The following NRXN1 variants were observed in gnomAD, a reference collection of about 807,000 sequenced individuals.
The protein encoded by NRXN1 is neurexin-1.
A neutral mutation model predicts 150.9 loss-of-function variants in NRXN1; 39 were observed. That is an observed-to-expected ratio of 0.26 (90% confidence interval 0.20 to 0.34). The LOEUF (loss-of-function observed/expected upper bound fraction) is 0.34, where lower values mean the gene tolerates loss of function less well. NRXN1 is among the 10% of genes least tolerant of loss of function. NRXN1 has a pLI of 1.00. For missense variants in NRXN1, 1,815 were observed against 1,949.9 expected, an observed-to-expected ratio of 0.93 and a Z score of 1.30; for synonymous variants, 924 against 757.0, an observed-to-expected ratio of 1.22 and a Z score of -3.62.
intron 18 of NRXN1, among the ~76,000 whole-genome samples, chr2:50,141,120 A>C (rs1707215755): frequency 6.6e-6 from 1 of 152,010 alleles, no homozygotes; most frequent in Non-Finnish European, 1.5e-5. Context: ...TAAGACGTAC[A>C]CTCTATGACA....
chr2:50,692,292 G>T (rs948774167), intron 5 of NRXN1, among the ~76,000 whole-genome samples: 2 of 152,086 alleles, frequency 1.3e-5, no homozygotes, highest in Admixed American at 6.6e-5. Context: ...CCTGTTTTGA[G>T]CATCATTCCT....
intron 8 of NRXN1, among the ~76,000 whole-genome samples, chr2:50,571,286 C>A (rs1670624489): frequency 6.6e-6 from 1 of 152,142 alleles, no homozygotes; most frequent in Non-Finnish European, 1.5e-5. Context: ...TCATTCAGAA[C>A]AACAGGTTTG....
intron 17 of NRXN1, among the ~76,000 whole-genome samples, chr2:50,425,580 T>C (rs1277687365): frequency 6.6e-6 from 1 of 152,216 alleles, no homozygotes; most frequent in Non-Finnish European, 1.5e-5. Context: ...CATAATTATG[T>C]ACATCTTGAT....
At chr2:50,883,855 A>T (rs1354106192) in intron 5 of NRXN1, among the ~76,000 whole-genome samples, 1 of 151,826 alleles carries the variant, frequency 6.6e-6, no homozygotes, top group Non-Finnish European at 1.5e-5. Context: ...TTTACAAAAT[A>T]CAGAATCAGG....
chr2:50,471,330 C>T (rs2089439680), intron 16 of NRXN1, among the ~76,000 whole-genome samples: 1 of 151,746 alleles, frequency 6.6e-6, no homozygotes, highest in Non-Finnish European at 1.5e-5. Context: ...AGTGCAGCTC[C>T]CACTTATAAG....
At chr2:50,033,370 A>G (rs1265166109) in intron 21 of NRXN1, among the ~76,000 whole-genome samples, 1 of 152,118 alleles carries the variant, frequency 6.6e-6, no homozygotes, top group African/African-American at 2.4e-5. Flanking sequence ...AAAATAAGCA[A>G]AGAGGAAAGG....
chr2:50,217,898 T>G (rs1162187551), intron 18 of NRXN1, among the ~76,000 whole-genome samples: 1 of 152,066 alleles, frequency 6.6e-6, no homozygotes, highest in Non-Finnish European at 1.5e-5. Flanking sequence ...CAGAAAACAT[T>G]TACTGATGCC....
rs192230904 is a variant in NRXN1, at chr2:50,954,004, G to C, written c.773-28049C>G. On this transcript the variant is annotated intron_variant, in intron 2 of 22. Coordinates refer to ENST00000401669, the MANE Select transcript of NRXN1 (RefSeq NM_001330078.2). ...GAATCAATACTTTCTAAGCATTCAA[G>C]GTAGGAACTCCTTAGCCCCCACCCT... Among the ~76,000 whole-genome samples the C allele has an allele frequency of 1.3e-3, 193 of 152,190 alleles. 1 individual carries two copies. Among genetic ancestry groups the C allele is most frequent in the Admixed American group, 3.9e-3 (59 of 15,292 alleles).
intron 10 of NRXN1, among the ~76,000 whole-genome samples, chr2:50,536,153 T>G (rs2105244069): frequency 6.6e-6 from 1 of 152,306 alleles, no homozygotes; most frequent in African/African-American, 2.4e-5. Flanking sequence ...TTTGTGGTAT[T>G]GAGCATGACA....
intron 8 of NRXN1, chr2:50,554,602 T>C (rs1171526521): frequency 1.3e-5 from 2 of 152,178 alleles, no homozygotes; most frequent in African/African-American, 4.8e-5. Context: ...CATTGTAAGA[T>C]TTCAATAAAT....
At chr2:49,926,330 CTT>C in intron 22 of NRXN1, 1 of 398,434 alleles carries the variant, frequency 2.5e-6, no homozygotes, top group Non-Finnish European at 4.4e-6. Flanking sequence ...CTTCCTCTCT[CTT>C]CTAGCATTTG....
At chr2:50,786,903 A>G (rs544598203) in intron 5 of NRXN1, among the ~76,000 whole-genome samples, 1 of 152,292 alleles carries the variant, frequency 6.6e-6, no homozygotes, top group Admixed American at 6.6e-5. Context: ...AAAAAATGGA[A>G]AATTCTTCAT....
At chr2:50,984,307 G>C (rs1697335846) in intron 2 of NRXN1, among the ~76,000 whole-genome samples, 1 of 151,504 alleles carries the variant, frequency 6.6e-6, no homozygotes, top group African/African-American at 2.4e-5. Context: ...GCCCAGTCCT[G>C]TTTTTGTATG....
At chr2:50,766,687 A>G (rs1350640332) in intron 5 of NRXN1, among the ~76,000 whole-genome samples, 1 of 152,044 alleles carries the variant, frequency 6.6e-6, no homozygotes, top group East Asian at 1.9e-4. Context: ...GCAAATTTTA[A>G]GGACAGTCTT....
intron 21 of NRXN1, among the ~76,000 whole-genome samples, chr2:49,998,902 A>T (rs566495436): frequency 6.6e-6 from 1 of 152,234 alleles, no homozygotes; most frequent in African/African-American, 2.4e-5. Context: ...CTGTCGTTGT[A>T]GTCAGTCTTC....
chr2:50,675,066 A>T (rs1016463879), intron 5 of NRXN1, among the ~76,000 whole-genome samples: 1 of 151,850 alleles, frequency 6.6e-6, no homozygotes, highest in Admixed American at 6.6e-5. Flanking sequence ...TGCTCTCACC[A>T]TGTGGCACAC....
chr2:50,502,863 C>A (rs2092020098), intron 13 of NRXN1, among the ~76,000 whole-genome samples: 1 of 152,028 alleles, frequency 6.6e-6, no homozygotes, highest in African/African-American at 2.4e-5. Context: ...CTGAAGGGGT[C>A]AAGTAGCAAT....
intron 21 of NRXN1, chr2:49,973,632 C>T (rs1384710672): frequency 9.2e-6 from 3 of 326,838 alleles, no homozygotes; most frequent in African/African-American, 4.3e-5. Flanking sequence ...CACACACACA[C>T]ACACACAGAC....
rs182723455 is a variant in NRXN1, at chr2:50,171,803, T to C, written c.3546+64986A>G. Among the ~76,000 whole-genome samples, 617 of 152,324 alleles carry C rather than the reference T, an allele frequency of 4.1e-3. 4 individuals are homozygous for C. Among genetic ancestry groups the C allele is most frequent in the African/African-American group, 0.014 (568 of 41,588 alleles). On this transcript the variant is annotated intron_variant, in intron 18 of 22. Coordinates refer to ENST00000401669, the MANE Select transcript of NRXN1 (RefSeq NM_001330078.2). ...TAGCAGGGTTACTGACATACCCGCC[T>C]GAAGGAAAGGAAACAAACAGGCGAC...
Sources: gnomAD v4.1 joint callset for allele counts (sites outside exome capture counted in the v4.1 genomes callset) on GRCh38, gnomAD v4.1.1 for gene constraint, MANE v1.5 for transcripts, NCBI Gene and HGNC (gene_info 2026-07-23, HGNC 2026-07-21) for gene names.